CSPP1: variants seen among roughly 807,000 people sequenced by gnomAD.
CSPP1 encodes centrosome and spindle pole associated protein 1.
In CSPP1, 126 loss-of-function variants were observed where a neutral mutation model predicts 164.4. The observed-to-expected ratio is 0.77, with a 90% CI of 0.66 to 0.89. The LOEUF is 0.89. Ranked by LOEUF, CSPP1 falls within the 40% of genes least tolerant of loss-of-function variation. CSPP1 has a pLI of 0.00. For missense variants in CSPP1, 1,395 were observed against 1,449.8 expected, an observed-to-expected ratio of 0.96 and a Z score of 0.61; for synonymous variants, 472 against 476.7, an observed-to-expected ratio of 0.99 and a Z score of 0.13.
At chr8:67,109,525 A>G (rs1402943088) in intron 9 of CSPP1, among the ~76,000 whole-genome samples, 1 of 152,196 alleles carries the variant, frequency 6.6e-6, no homozygotes, top group Non-Finnish European at 1.5e-5. Context: ...GTATACAAGT[A>G]AGTTACAGGT....
chr8:67,163,154 T>A (rs1482258547), intron 22 of CSPP1, among the ~76,000 whole-genome samples: 1 of 152,154 alleles, frequency 6.6e-6, no homozygotes, highest in Non-Finnish European at 1.5e-5. Context: ...GGTCACTTGA[T>A]GACTTTGGTG....
intron 7 of CSPP1, among the ~76,000 whole-genome samples, chr8:67,095,972 A>T (rs1426723450): frequency 6.6e-6 from 1 of 152,214 alleles, no homozygotes; most frequent in Non-Finnish European, 1.5e-5. Context: ...TACACCCTTT[A>T]TGTAAAAGTA....
intron 28 of CSPP1, among the ~76,000 whole-genome samples, chr8:67,187,538 A>G (rs1252459840): frequency 2.0e-5 from 3 of 152,168 alleles, no homozygotes; most frequent in African/African-American, 7.2e-5. Flanking sequence ...ATTTTAAATT[A>G]GCCGATGTGG....
At chr8:67,107,983 GTTTTTT>G (rs34204898) in intron 9 of CSPP1, among the ~76,000 whole-genome samples, 1 of 127,160 alleles carries the variant, frequency 7.9e-6, no homozygotes, top group Non-Finnish European at 1.6e-5. Context: ...CTTTGACAAA[GTTTTTT>G]TTTTTTTTTT....
At chr8:67,172,698 T>A in intron 25 of CSPP1, 143 bp downstream of exon 25, 1 of 710,522 alleles carries the variant, frequency 1.4e-6, no homozygotes, top group Non-Finnish European at 2.2e-6. Flanking sequence ...GAAACTTATG[T>A]ATTCTCTAGG....
At chr8:67,180,806 A>G (rs2129571009) in intron 28 of CSPP1, among the ~76,000 whole-genome samples, 1 of 152,204 alleles carries the variant, frequency 6.6e-6, no homozygotes, top group East Asian at 1.9e-4. Context: ...AAAAAGTCAT[A>G]AGACTTTTAT....
At chr8:67,112,897 A>G (rs985504165) in intron 10 of CSPP1, among the ~76,000 whole-genome samples, 5 of 152,214 alleles carry the variant, frequency 3.3e-5, no homozygotes, top group African/African-American at 7.2e-5. Flanking sequence ...TGAAATACCT[A>G]TGAGATATTA....
intron 24 of CSPP1, among the ~76,000 whole-genome samples, chr8:67,166,932 C>A (rs559428920): frequency 2.6e-5 from 4 of 151,688 alleles, no homozygotes; most frequent in Non-Finnish European, 4.4e-5. Context: ...GACTCTTAAC[C>A]AGCATGCTGC....
chr8:67,144,746 G>A (rs1336285824), intron 17 of CSPP1, among the ~76,000 whole-genome samples: 1 of 152,068 alleles, frequency 6.6e-6, no homozygotes, highest in Non-Finnish European at 1.5e-5. Context: ...ACATCGCCTA[G>A]CTGGGAAATG....
chr8:67,157,836 G>A (rs537329778), intron 19 of CSPP1: 1 of 152,222 alleles, frequency 6.6e-6, no homozygotes, highest in African/African-American at 2.4e-5. Flanking sequence ...ACTCCAGGTA[G>A]CATTCAAGAT....
At chr8:67,089,792 A>G (rs1245717062) in intron 4 of CSPP1, among the ~76,000 whole-genome samples, 1 of 151,686 alleles carries the variant, frequency 6.6e-6, no homozygotes, top group Non-Finnish European at 1.5e-5. Context: ...TTTTTTTAAG[A>G]ATTAAAGTTT....
intron 3 of CSPP1, among the ~76,000 whole-genome samples, chr8:67,078,086 A>G (rs956283355): frequency 7.2e-5 from 11 of 152,114 alleles, no homozygotes; most frequent in African/African-American, 2.7e-4. Flanking sequence ...ATTCCAAGAG[A>G]TAATTTTTAA....
chr8:67,100,890 A>G (rs1813942632), intron 7 of CSPP1, among the ~76,000 whole-genome samples: 1 of 151,864 alleles, frequency 6.6e-6, no homozygotes, highest in African/African-American at 2.4e-5. Flanking sequence ...GTGTTGTGTC[A>G]TGGGTTCTCA....
At chr8:67,079,204 A>G (rs1177548777) in intron 3 of CSPP1, among the ~76,000 whole-genome samples, 3 of 152,086 alleles carry the variant, frequency 2.0e-5, no homozygotes, top group Non-Finnish European at 4.4e-5. Flanking sequence ...TGACTTCTGA[A>G]TCTGTATCCC....
chr8:67,072,301 A>AT (rs995124312), intron 1 of CSPP1, among the ~76,000 whole-genome samples: 65 of 151,496 alleles, frequency 4.3e-4, no homozygotes, highest in South Asian at 1.0e-3. Context: ...AAAAAAAAAG[A>AT]TTTTTTTTAG....
chr8:67,132,220 T>G (rs956757993), intron 16 of CSPP1, 140 bp downstream of exon 16: 7 of 844,642 alleles, frequency 8.3e-6, no homozygotes, highest in Non-Finnish European at 1.2e-5. Flanking sequence ...GTGGATACAG[T>G]AAAACGCTGT....
intron 7 of CSPP1, among the ~76,000 whole-genome samples, chr8:67,098,494 T>C (rs1378967096): frequency 6.6e-6 from 1 of 151,878 alleles, no homozygotes; most frequent in Non-Finnish European, 1.5e-5. Context: ...GATGTTGCCT[T>C]CCTAAACTCA....
chr8:67,175,128 T>G (rs1418584695), intron 25 of CSPP1, 168 bp from the exon 26 acceptor site: 4 of 608,904 alleles, frequency 6.6e-6, no homozygotes, highest in Admixed American at 5.9e-5. Flanking sequence ...TTCATATTCT[T>G]TAGTTTTGTG....
chr8:67,146,482 GC>G (rs1824588663), intron 17 of CSPP1, among the ~76,000 whole-genome samples: 1 of 151,992 alleles, frequency 6.6e-6, no homozygotes, highest in Admixed American at 6.6e-5. Flanking sequence ...TGTTTTATGA[GC>G]CATCAGTTAG....
Sources: allele counts gnomAD v4.1 joint callset (sites outside exome capture counted in the v4.1 genomes callset), GRCh38; gene constraint gnomAD v4.1.1; transcripts MANE v1.5; gene names NCBI Gene and HGNC (gene_info 2026-07-23, HGNC 2026-07-21).